SQOR: variants seen among roughly 807,000 people sequenced by gnomAD.
SQOR encodes sulfide quinone oxidoreductase, also known as sulfide:quinone oxidoreductase, mitochondrial.
A neutral mutation model predicts 48.6 loss-of-function variants in SQOR; 39 were observed. The ratio of observed to expected loss-of-function variants is 0.80; its 90% CI spans 0.62 to 1.05. The LOEUF is 1.05. SQOR is among the 50% of genes least tolerant of loss of function. SQOR has a pLI of 0.00. For synonymous variants in SQOR, 220 were observed against 206.2 expected (o/e 1.07, Z -0.57); for missense variants, 561 against 559.9 (o/e 1.00, Z -0.02).
chr15:45,679,476 G>A (rs1366552831), intron 6 of SQOR, among the ~76,000 whole-genome samples: 2 of 152,116 alleles, frequency 1.3e-5, no homozygotes, highest in African/African-American at 4.8e-5. Flanking sequence ...GGCCGAGGCG[G>A]GTGGATCACG....
intron 4 of SQOR, 23 bp downstream of exon 4, chr15:45,670,004 T>C: frequency 1.2e-6 from 2 of 1,612,034 alleles, no homozygotes; most frequent in Non-Finnish European, 1.7e-6. Context: ...ACTGTTTCTG[T>C]GTTACGCTGG....
chr15:45,685,574 C>T (rs773084381), intron 7 of SQOR, among the ~76,000 whole-genome samples: 15 of 152,232 alleles, frequency 9.9e-5, no homozygotes, highest in Middle Eastern at 3.4e-3. Flanking sequence ...ACCCAAGTCC[C>T]GCACGCCTGC....
intron 6 of SQOR, among the ~76,000 whole-genome samples, chr15:45,680,479 T>A (rs1373821153): frequency 6.6e-6 from 1 of 152,012 alleles, no homozygotes; most frequent in African/African-American, 2.4e-5. Flanking sequence ...TGGTGCCATC[T>A]TGGCTCACTG....
intron 1 of SQOR, among the ~76,000 whole-genome samples, chr15:45,653,980 G>A (rs1889545702): frequency 6.6e-6 from 1 of 152,056 alleles, no homozygotes; most frequent in Admixed American, 6.6e-5. Context: ...AAATTAGCCA[G>A]GCATGGTGGT....
chr15:45,651,404 A>C (rs1595572750), intron 1 of SQOR, among the ~76,000 whole-genome samples: 1 of 152,078 alleles, frequency 6.6e-6, no homozygotes, highest in South Asian at 2.1e-4. Flanking sequence ...ACCTCCCTGC[A>C]AGCAGAGGGA....
intron 3 of SQOR, among the ~76,000 whole-genome samples, chr15:45,664,241 T>A (rs1889772457): frequency 6.6e-6 from 1 of 152,162 alleles, no homozygotes; most frequent in Non-Finnish European, 1.5e-5. Context: ...TCCTGTAACT[T>A]TTTTTGTATT....
At chr15:45,681,672 G>T (rs978671678) in intron 6 of SQOR, among the ~76,000 whole-genome samples, 1 of 152,180 alleles carries the variant, frequency 6.6e-6, no homozygotes, top group Admixed American at 6.5e-5. Flanking sequence ...TGATGAATTT[G>T]CTGGAAGGAG....
At chr15:45,669,530 A>G (rs1326129213) in intron 3 of SQOR, among the ~76,000 whole-genome samples, 4 of 152,190 alleles carry the variant, frequency 2.6e-5, no homozygotes, top group South Asian at 4.1e-4. Flanking sequence ...ACCTCTCAAT[A>G]TGAAAAAGTG....
intron 7 of SQOR, among the ~76,000 whole-genome samples, chr15:45,684,440 T>C (rs1890184710): frequency 2.6e-5 from 4 of 152,214 alleles, no homozygotes. Context: ...AATTGTCTAG[T>C]TGCTTTCTTA....
rs112287930 is a variant in SQOR, at chr15:45,662,136, A to G, written c.405+11A>G. 2.7e-4 allele frequency: 437 copies of G among 1,611,204 alleles called. 1 individual carries two copies. In the African/African-American group the frequency reaches 4.7e-3, roughly 17 times the overall value. ...GATGACGACGAGAAGGTAACCACTG[A>G]GGCCTTTAGATTTTTTGTTAATCTG... is the stretch of plus-strand genomic sequence containing the variant. On this transcript the variant is annotated intron_variant, in intron 3 of 9. Coordinates refer to ENST00000260324, the MANE Select transcript of SQOR (RefSeq NM_021199.4).
At chr15:45,663,206 A>G (rs1363258391) in intron 3 of SQOR, among the ~76,000 whole-genome samples, 2 of 151,964 alleles carry the variant, frequency 1.3e-5, no homozygotes, top group Non-Finnish European at 2.9e-5. Flanking sequence ...TTTGGTAGTG[A>G]CGGGGTTTTA....
intron 1 of SQOR, among the ~76,000 whole-genome samples, chr15:45,656,541 C>T (rs1358342900): frequency 1.3e-5 from 2 of 151,976 alleles, no homozygotes; most frequent in Admixed American, 6.6e-5. Flanking sequence ...ATCCCTCTCT[C>T]TCAGCCTCCT....
In SQOR at chr15:45,651,104, C is replaced by T. The variant is rs1043517495; in HGVS notation, c.-17-7803C>T. ...GAGGCTCACCCGTGTGGGAGCCCAC[C>T]GCTGGGGGGCTGGGGCATGGCGGGC... On this transcript the variant is annotated intron_variant, in intron 1 of 9. Coordinates refer to ENST00000260324, the MANE Select transcript of SQOR (RefSeq NM_021199.4). 9.9e-5 allele frequency among the ~76,000 whole-genome samples: 15 copies of T among 152,198 alleles called. No individual in the cohort carries two copies. In the East Asian group the frequency reaches 1.3e-3, roughly 14 times the overall value.
intron 1 of SQOR, among the ~76,000 whole-genome samples, chr15:45,647,397 A>C (rs1767127357): frequency 7.0e-6 from 1 of 141,872 alleles, no homozygotes; most frequent in African/African-American, 2.7e-5. Context: ...GGCAGTCTCC[A>C]CTCACTGCAA....
At chr15:45,670,367 G>A (rs1889917126) in intron 4 of SQOR, among the ~76,000 whole-genome samples, 1 of 152,172 alleles carries the variant, frequency 6.6e-6, no homozygotes, top group African/African-American at 2.4e-5. Context: ...ACTTTAAGGG[G>A]TGGAACACCA....
At chr15:45,679,868 A>G (rs796702018) in intron 6 of SQOR, among the ~76,000 whole-genome samples, 6 of 152,340 alleles carry the variant, frequency 3.9e-5, no homozygotes, top group African/African-American at 1.4e-4. Context: ...CAGATCTACT[A>G]GATTGGGATC....
chr15:45,661,289 T>TAAAAAAAAAAAAAAAAAAAAAAA lies in SQOR; in HGVS notation c.235-666_235-665insAAAAAAAAAAAAAAAAAAAAAAA, dbSNP rs777334925. Among the ~76,000 whole-genome samples, 3 of 84,376 alleles carry TAAAAAAAAAAAAAAAAAAAAAAA rather than the reference T, an allele frequency of 3.6e-5. 1 individual carries two copies. The highest frequency in any genetic ancestry group is 8.8e-4 in the South Asian group (2 of 2,280). 55.4% of individuals were successfully genotyped at this position (84,376 alleles called of 152,430 possible). ...TGGGGTGATTGGGCGAGACTCTGTC[T>TAAAAAAAAAAAAAAAAAAAAAAA]TAAAAAAAAAAAAAAAAAAAAAAAA... On this transcript the variant is annotated intron_variant, in intron 2 of 9. Coordinates refer to ENST00000260324, the MANE Select transcript of SQOR (RefSeq NM_021199.4).
At chr15:45,669,835 T>C in intron 3 of SQOR, 93 bp from the exon 4 acceptor site, 1 of 1,066,806 alleles carries the variant, frequency 9.4e-7, no homozygotes, top group Non-Finnish European at 1.5e-6. Context: ...CTGCCTCCCT[T>C]AGACCACATG....
At chr15:45,683,280 G>A (rs971788349) in intron 7 of SQOR, among the ~76,000 whole-genome samples, 13 of 152,262 alleles carry the variant, frequency 8.5e-5, no homozygotes, top group Non-Finnish European at 1.5e-4. Flanking sequence ...CACCAGGCAG[G>A]TTGGCTATTT....
Sources: allele counts gnomAD v4.1 joint callset (sites outside exome capture counted in the v4.1 genomes callset), GRCh38; gene constraint gnomAD v4.1.1; transcripts MANE v1.5; gene names NCBI Gene and HGNC (gene_info 2026-07-23, HGNC 2026-07-21).